ST6GALNAC3: variants seen among roughly 807,000 people sequenced by gnomAD.
ST6GALNAC3 encodes the protein ST6 N-acetylgalactosaminide alpha-2,6-sialyltransferase 3, also known as alpha-N-acetylgalactosaminide alpha-2,6-sialyltransferase 3.
In ST6GALNAC3, 25 loss-of-function variants were observed where a neutral mutation model predicts 32.7. The ratio of observed to expected loss-of-function variants is 0.76; its 90% CI spans 0.56 to 1.07. The LOEUF is 1.07. Ranked by LOEUF, ST6GALNAC3 falls within the 50% of genes least tolerant of loss-of-function variation. The pLI is 0.00. For synonymous variants in ST6GALNAC3, 129 were observed against 133.1 expected (o/e 0.97, Z 0.21); for missense variants, 355 against 382.4 (o/e 0.93, Z 0.60).
intron 2 of ST6GALNAC3, among the ~76,000 whole-genome samples, chr1:76,396,414 G>A (rs892881665): frequency 2.0e-5 from 3 of 152,176 alleles, no homozygotes; most frequent in East Asian, 1.9e-4. Flanking sequence ...GCAGTGAGTC[G>A]AGATGGGGCC....
At chr1:76,216,876 C>T (rs570710021) in intron 1 of ST6GALNAC3, among the ~76,000 whole-genome samples, 1 of 152,234 alleles carries the variant, frequency 6.6e-6, no homozygotes, top group African/African-American at 2.4e-5. Flanking sequence ...AAATCACTGG[C>T]ACATAAAGTT....
intron 1 of ST6GALNAC3, among the ~76,000 whole-genome samples, chr1:76,311,483 A>G (rs929897944): frequency 6.6e-6 from 1 of 151,902 alleles, no homozygotes; most frequent in African/African-American, 2.4e-5. Context: ...CCCTGTGTCC[A>G]TGTGTTCTCA....
At chr1:76,315,171 T>C (rs1014713734) in intron 2 of ST6GALNAC3, among the ~76,000 whole-genome samples, 2 of 152,172 alleles carry the variant, frequency 1.3e-5, no homozygotes, top group African/African-American at 2.4e-5. Context: ...TTTTACAGTG[T>C]CTATTGCTTG....
chr1:76,400,726 C>A (rs2101211327), intron 2 of ST6GALNAC3, among the ~76,000 whole-genome samples: 1 of 151,724 alleles, frequency 6.6e-6, no homozygotes, highest in Non-Finnish European at 1.5e-5. Context: ...ATCTCTAGCA[C>A]AAATACAAAA....
At chr1:76,291,643 C>T (rs1660099669) in intron 1 of ST6GALNAC3, among the ~76,000 whole-genome samples, 1 of 152,098 alleles carries the variant, frequency 6.6e-6, no homozygotes, top group Admixed American at 6.5e-5. Flanking sequence ...TTTTCTAACA[C>T]TGCTGGGATT....
intron 1 of ST6GALNAC3, among the ~76,000 whole-genome samples, chr1:76,301,837 GT>G (rs554563584): frequency 0.11 from 15,876 of 147,454 alleles, 928 homozygotes; most frequent in Middle Eastern, 0.17. Flanking sequence ...AAAAAAAGAA[GT>G]TTTTTTTTTT....
intron 1 of ST6GALNAC3, among the ~76,000 whole-genome samples, chr1:76,084,266 C>G (rs1646936312): frequency 6.6e-6 from 1 of 152,204 alleles, no homozygotes; most frequent in African/African-American, 2.4e-5. Flanking sequence ...GTAATGAGTG[C>G]CTGACTCAGG....
At chr1:76,621,881 T>C (rs1018289476) in intron 3 of ST6GALNAC3, among the ~76,000 whole-genome samples, 1 of 152,026 alleles carries the variant, frequency 6.6e-6, no homozygotes, top group Non-Finnish European at 1.5e-5. Context: ...CAGTGTAGTA[T>C]ATTGATGAGA....
chr1:76,313,862 C>A lies in ST6GALNAC3; in HGVS notation c.76C>A (p.Arg26Ser). 2 of 1,613,414 alleles carry A rather than the reference C, an allele frequency of 1.2e-6. No homozygotes were observed. Among genetic ancestry groups the A allele is most frequent in the South Asian group, 1.1e-5 (1 of 91,064 alleles). Residue 26 changes from arginine (R) to serine (S), a missense_variant, in exon 2 of 5, where the codon CGT becomes AGT. Arg to Ser is a moderately radical substitution (Grantham distance 110). Transcript: ENST00000328299. The stretch of plus-strand genomic sequence containing the variant: ...AGCGTTCCTTTTCCTGCTGGTTGTG[C>A]GTCTTGTAAATGAAGTGAATTTCCC... ...IAAFLFLLVV[R>S]LVNEVNFPLL...
intron 3 of ST6GALNAC3, among the ~76,000 whole-genome samples, chr1:76,533,980 T>C (rs1395144337): frequency 2.0e-5 from 3 of 152,196 alleles, no homozygotes; most frequent in Non-Finnish European, 4.4e-5. Flanking sequence ...ATATGTATTT[T>C]AATTTCCATA....
chr1:76,180,272 C>G (rs1213241378), intron 1 of ST6GALNAC3, among the ~76,000 whole-genome samples: 1 of 152,202 alleles, frequency 6.6e-6, no homozygotes, highest in East Asian at 1.9e-4. Flanking sequence ...TTCTCAGATT[C>G]AAGTTTTCTA....
At chr1:76,149,948 C>T (rs1371521449) in intron 1 of ST6GALNAC3, among the ~76,000 whole-genome samples, 2 of 152,142 alleles carry the variant, frequency 1.3e-5, no homozygotes, top group Non-Finnish European at 2.9e-5. Context: ...AGGGAACCTC[C>T]CTAGAGCCAG....
chr1:76,253,753 C>G (rs1657755585), intron 1 of ST6GALNAC3, among the ~76,000 whole-genome samples: 1 of 152,158 alleles, frequency 6.6e-6, no homozygotes, highest in Admixed American at 6.6e-5. Flanking sequence ...GCAACCTTAA[C>G]TCTTTTAGCA....
At chr1:76,223,057 A>G (rs1655868546) in intron 1 of ST6GALNAC3, among the ~76,000 whole-genome samples, 1 of 152,158 alleles carries the variant, frequency 6.6e-6, no homozygotes, top group South Asian at 2.1e-4. Context: ...ACCCAAAGAA[A>G]TATAAATCAT....
At chr1:76,595,435 C>G (rs1270063266) in intron 3 of ST6GALNAC3, among the ~76,000 whole-genome samples, 1 of 152,100 alleles carries the variant, frequency 6.6e-6, no homozygotes, top group Non-Finnish European at 1.5e-5. Context: ...TCTGACCTTT[C>G]AGAAGGTTTG....
intron 3 of ST6GALNAC3, among the ~76,000 whole-genome samples, chr1:76,622,213 C>CTGGT (rs1648691537): frequency 6.6e-6 from 1 of 152,006 alleles, no homozygotes; most frequent in African/African-American, 2.4e-5. Flanking sequence ...ACCATAGATA[C>CTGGT]TGTGGCTTCT....
At chr1:76,538,421 T>C (rs907143586) in intron 3 of ST6GALNAC3, among the ~76,000 whole-genome samples, 27 of 152,182 alleles carry the variant, frequency 1.8e-4, no homozygotes, top group Admixed American at 3.3e-4. Flanking sequence ...TCATATTGAA[T>C]GGGCAAAAAC....
intron 1 of ST6GALNAC3, chr1:76,142,971 G>A (rs752809691): frequency 4.9e-6 from 2 of 411,976 alleles, no homozygotes; most frequent in Non-Finnish European, 9.7e-6. Context: ...GGAAAGTGTT[G>A]GCCCACAGCC....
At chr1:76,566,121 A>G (rs1057196679) in intron 3 of ST6GALNAC3, among the ~76,000 whole-genome samples, 5 of 152,212 alleles carry the variant, frequency 3.3e-5, no homozygotes, top group African/African-American at 1.2e-4. Context: ...CAGGTGCCAT[A>G]TGGATCCTTG....
Sources: allele counts gnomAD v4.1 joint callset (sites outside exome capture counted in the v4.1 genomes callset), GRCh38; gene constraint gnomAD v4.1.1; transcripts MANE v1.5; gene names NCBI Gene and HGNC (gene_info 2026-07-23, HGNC 2026-07-21).